Variants in ZNF385D observed in about 807,000 individuals in gnomAD.
ZNF385D encodes the protein zinc finger protein 659.
A neutral mutation model predicts 35.8 loss-of-function variants in ZNF385D; 15 were observed. The observed-to-expected ratio is 0.42, with a 90% CI of 0.28 to 0.64. ZNF385D has a LOEUF of 0.64. ZNF385D is among the 30% of genes least tolerant of loss of function. The probability of loss-of-function intolerance (pLI) is 0.23; values close to 1 mark genes in which losing one functional copy is unlikely to be tolerated. For synonymous variants in ZNF385D, 212 were observed against 186.8 expected (o/e 1.13, Z -1.10); for missense variants, 474 against 494.6 (o/e 0.96, Z 0.39).
chr3:21,852,963 C>T (rs1198634713), intron 3 of ZNF385D, among the ~76,000 whole-genome samples: 2 of 151,846 alleles, frequency 1.3e-5, no homozygotes, highest in Non-Finnish European at 1.5e-5. Flanking sequence ...TCAATTTCTT[C>T]CACTTGTTCC....
chr3:22,190,977 A>AATT (rs1178699264), intron 2 of ZNF385D, among the ~76,000 whole-genome samples: 1 of 152,138 alleles, frequency 6.6e-6, no homozygotes, highest in Non-Finnish European at 1.5e-5. Context: ...TTCTCCCTTA[A>AATT]ATTACATGGC....
chr3:22,027,475 G>T lies in ZNF385D; in HGVS notation c.325+141342C>A, dbSNP rs1576179678. On this transcript the variant is annotated intron_variant, in intron 3 of 5. Transcript: ENST00000494108. The stretch of plus-strand genomic sequence containing the variant: ...GGCAGGTCCCCATTGATGAATCACA[G>T]TGGAGGCCTCTAGGATTTTGGAGCA... Among the ~76,000 whole-genome samples the T allele has an allele frequency of 2.6e-5, 4 of 152,308 alleles. No homozygotes were observed. In the South Asian group the frequency reaches 8.3e-4, roughly 32 times the overall value.
At chr3:22,093,333 T>G (rs1299298509) in intron 3 of ZNF385D, among the ~76,000 whole-genome samples, 5 of 151,788 alleles carry the variant, frequency 3.3e-5, no homozygotes, top group Admixed American at 6.6e-5. Flanking sequence ...TAACTACATA[T>G]GGATACAAAT....
At chr3:22,300,619 A>G (rs1702848774) in intron 2 of ZNF385D, among the ~76,000 whole-genome samples, 1 of 151,978 alleles carries the variant, frequency 6.6e-6, no homozygotes, top group Non-Finnish European at 1.5e-5. Context: ...CAATTTATAA[A>G]TGGGTAAAGG....
At chr3:22,328,385 A>G (rs912906972) in intron 2 of ZNF385D, among the ~76,000 whole-genome samples, 8 of 152,162 alleles carry the variant, frequency 5.3e-5, no homozygotes, top group African/African-American at 1.9e-4. Flanking sequence ...CAGTATTTCT[A>G]TACTTCTGAT....
intron 2 of ZNF385D, among the ~76,000 whole-genome samples, chr3:21,658,255 G>A (rs1313988131): frequency 6.6e-6 from 1 of 151,856 alleles, no homozygotes; most frequent in African/African-American, 2.4e-5. Flanking sequence ...ACATTCTTTG[G>A]GCAACCACTG....
intron 1 of ZNF385D, among the ~76,000 whole-genome samples, chr3:21,732,257 G>A (rs535172167): frequency 1.3e-5 from 2 of 151,748 alleles, no homozygotes; most frequent in South Asian, 4.2e-4. Context: ...TCACCATGTT[G>A]GCCAGTCTGG....
chr3:22,347,259 T>C (rs143128826), intron 2 of ZNF385D, among the ~76,000 whole-genome samples: 301 of 152,336 alleles, frequency 2.0e-3, no homozygotes, highest in Admixed American at 3.1e-3. Context: ...ATTTTAAAAA[T>C]AGCTTTGACA....
At chr3:22,329,660 C>G (rs1694844344) in intron 2 of ZNF385D, among the ~76,000 whole-genome samples, 1 of 152,080 alleles carries the variant, frequency 6.6e-6, no homozygotes, top group Non-Finnish European at 1.5e-5. Flanking sequence ...AGAACTTTTG[C>G]ATAAGAGTAA....
chr3:22,339,281 TAAGTA>T (rs1186312868), intron 2 of ZNF385D, among the ~76,000 whole-genome samples: 6 of 152,216 alleles, frequency 3.9e-5, no homozygotes, highest in African/African-American at 9.7e-5. Context: ...CCCAAGTGCG[TAAGTA>T]AATACTTGAA....
chr3:22,327,148 T>A (rs1194717871), intron 2 of ZNF385D, among the ~76,000 whole-genome samples: 1 of 152,144 alleles, frequency 6.6e-6, no homozygotes, highest in Non-Finnish European at 1.5e-5. Context: ...GTTCTTTTTT[T>A]AATCTCACCC....
chr3:22,112,933 G>C (rs981715138), intron 3 of ZNF385D, among the ~76,000 whole-genome samples: 1 of 152,022 alleles, frequency 6.6e-6, no homozygotes, highest in Non-Finnish European at 1.5e-5. Context: ...GTTATACATT[G>C]GTAGAAAATG....
intron 1 of ZNF385D, among the ~76,000 whole-genome samples, chr3:21,666,506 C>G (rs2066411761): frequency 6.6e-6 from 1 of 152,102 alleles, no homozygotes; most frequent in Non-Finnish European, 1.5e-5. Context: ...AACTAATTTT[C>G]AAAGTAGTAC....
chr3:22,188,258 G>A (rs1283828445), intron 2 of ZNF385D, among the ~76,000 whole-genome samples: 1 of 152,096 alleles, frequency 6.6e-6, no homozygotes, highest in Non-Finnish European at 1.5e-5. Context: ...AGATACTGCT[G>A]GCAACACTAT....
chr3:22,125,505 G>A (rs1258375758), intron 3 of ZNF385D, among the ~76,000 whole-genome samples: 1 of 152,042 alleles, frequency 6.6e-6, no homozygotes, highest in Admixed American at 6.6e-5. Context: ...GCTTTGAATA[G>A]TATGAACATT....
chr3:21,982,851 G>C (rs1694560213), intron 3 of ZNF385D, among the ~76,000 whole-genome samples: 1 of 121,312 alleles, frequency 8.2e-6, no homozygotes, highest in South Asian at 3.8e-4. Flanking sequence ...TAATCATGTG[G>C]GTTTTTTTTG....
At chr3:22,122,531 C>T (rs1703144885) in intron 3 of ZNF385D, among the ~76,000 whole-genome samples, 1 of 151,942 alleles carries the variant, frequency 6.6e-6, no homozygotes, top group African/African-American at 2.4e-5. Flanking sequence ...TTTCTAGGTG[C>T]TGATGACACA....
At chr3:21,571,960 GT>G (rs570140366) in intron 2 of ZNF385D, among the ~76,000 whole-genome samples, 2 of 152,078 alleles carry the variant, frequency 1.3e-5, no homozygotes, top group Admixed American at 6.6e-5. Flanking sequence ...GCCGTCCATA[GT>G]TTTTTTGTGG....
Position 22,299,847 on chromosome 3 carries a change from G to C in ZNF385D, c.106+72603C>G, listed in dbSNP as rs9859862. On this transcript the variant is annotated intron_variant, in intron 2 of 5. Transcript: ENST00000494108. ...ATAAATGGAAAGATAACCTGTGTCC[G>C]TAGATTAGAAAAAAATATTGTTGCT... Among the ~76,000 whole-genome samples, 14 of 151,834 alleles carry C rather than the reference G, an allele frequency of 9.2e-5. No homozygotes were observed. In the South Asian group the frequency reaches 2.9e-3, roughly 31 times the overall value.
Sources: gnomAD v4.1 joint callset for allele counts (sites outside exome capture counted in the v4.1 genomes callset) on GRCh38, gnomAD v4.1.1 for gene constraint, MANE v1.5 for transcripts, NCBI Gene and HGNC (gene_info 2026-07-23, HGNC 2026-07-21) for gene names.